Variants in CHD2 observed in about 807,000 individuals in gnomAD.
CHD2 encodes chromodomain helicase DNA binding protein 2.
In CHD2, 28 loss-of-function variants were observed where a neutral mutation model predicts 243.9. The observed-to-expected ratio is 0.11, with a 90% CI of 0.09 to 0.16. CHD2 has a LOEUF of 0.16. CHD2 is among the 10% of genes least tolerant of loss of function. The probability of loss-of-function intolerance (pLI) is 1.00; values close to 1 mark genes in which losing one functional copy is unlikely to be tolerated. For synonymous variants in CHD2, 775 were observed against 779.0 expected (o/e 0.99, Z 0.09); for missense variants, 1,386 against 2,209.8 (o/e 0.63, Z 7.47).
rs753889013 is a variant in CHD2, at chr15:93,014,929, T to C, written c.4906+20T>C. On this transcript the variant is annotated intron_variant, in intron 37 of 38. Transcript: ENST00000394196. ...ATGCAGGTAGGTCATTAAGTGGAGT[T>C]TTTAAAAGAGGTGCCAAAAGATAAA... is the stretch of plus-strand genomic sequence containing the variant. 1.3e-5 allele frequency: 20 copies of C among 1,598,646 alleles called. No individual in the cohort carries two copies. The Admixed American group carries it at 3.4e-4, about 27-fold the overall frequency.
At chr15:92,914,559 A>G (rs1211152925) in intron 2 of CHD2, among the ~76,000 whole-genome samples, 1 of 152,192 alleles carries the variant, frequency 6.6e-6, no homozygotes, top group Non-Finnish European at 1.5e-5. Flanking sequence ...TGAATTTTAG[A>G]AATACACTGA....
intron 17 of CHD2, among the ~76,000 whole-genome samples, chr15:92,971,436 AATG>A (rs1447482993): frequency 6.6e-6 from 1 of 152,054 alleles, no homozygotes; most frequent in Non-Finnish European, 1.5e-5. Flanking sequence ...AAATATGTAA[AATG>A]TATGTATGTA....
At chr15:92,939,299 A>G (rs186885915) in intron 6 of CHD2, among the ~76,000 whole-genome samples, 2 of 152,346 alleles carry the variant, frequency 1.3e-5, no homozygotes, top group Non-Finnish European at 2.9e-5. Flanking sequence ...ATGTGTTTTT[A>G]TATCAGGTAA....
intron 2 of CHD2, among the ~76,000 whole-genome samples, chr15:92,911,241 T>G (rs2052729139): frequency 6.6e-6 from 1 of 152,196 alleles, no homozygotes; most frequent in Non-Finnish European, 1.5e-5. Flanking sequence ...CTCCTAAGAA[T>G]CTAGAACTTG....
chr15:92,967,696 T>A (rs1185540322), intron 17 of CHD2, among the ~76,000 whole-genome samples, 183 bp downstream of exon 17: 1 of 151,916 alleles, frequency 6.6e-6, no homozygotes, highest in Non-Finnish European at 1.5e-5. Context: ...CAGCTAATTT[T>A]TTTTGTATTT....
intron 17 of CHD2, 113 bp downstream of exon 17, chr15:92,967,626 C>A: frequency 1.6e-6 from 1 of 636,788 alleles, no homozygotes; most frequent in Non-Finnish European, 2.3e-6. Context: ...GACAGAGTCT[C>A]GCGATTCTGC....
intron 8 of CHD2, among the ~76,000 whole-genome samples, chr15:92,942,160 A>G (rs2053391821): frequency 2.6e-5 from 4 of 152,210 alleles, no homozygotes; most frequent in Admixed American, 6.5e-5. Flanking sequence ...GCTAGTATAG[A>G]TAAGTGTCAA....
At chr15:92,989,025 C>CTTTTTTTTT (rs34298248) in intron 26 of CHD2, among the ~76,000 whole-genome samples, 4 of 76,514 alleles carry the variant, frequency 5.2e-5, no homozygotes, top group African/African-American at 2.0e-4. Context: ...ATACTTCATA[C>CTTTTTTTTT]TTTTTTTTTT....
chr15:93,019,238 G>A (rs891744941), intron 37 of CHD2, among the ~76,000 whole-genome samples: 1 of 152,174 alleles, frequency 6.6e-6, no homozygotes, highest in Admixed American at 6.5e-5. Context: ...GGCACAGCAG[G>A]TACCAGCAGG....
chr15:92,978,615 A>G lies in CHD2; in HGVS notation c.2727+232A>G, dbSNP rs186903987. On this transcript the variant is annotated intron_variant, in intron 21 of 38. Coordinates refer to ENST00000394196, the MANE Select transcript of CHD2 (RefSeq NM_001271.4). ...AAAAGTACAACATCAGCGACCTTCT[A>G]TGTGTTTATCTTGAGAGAGATATAT... 1.8e-4 allele frequency among the ~76,000 whole-genome samples: 28 copies of G among 152,278 alleles called. No homozygotes were observed. In the East Asian group the frequency reaches 2.3e-3, roughly 13 times the overall value.
intron 34 of CHD2, 40 bp downstream of exon 34, chr15:93,004,791 C>A (rs185121932): frequency 1.3e-6 from 2 of 1,595,116 alleles, no homozygotes; most frequent in Non-Finnish European, 8.6e-7. Flanking sequence ...TCTGCAGCCG[C>A]GGTACTTGCT....
chr15:92,967,132 G>A (rs1024677561), intron 16 of CHD2, among the ~76,000 whole-genome samples, 193 bp from the exon 17 acceptor site: 13 of 152,290 alleles, frequency 8.5e-5, no homozygotes, highest in Non-Finnish European at 1.9e-4. Flanking sequence ...AATTGGAAAC[G>A]TGCTATTATC....
At chr15:92,913,635 T>C (rs937444882) in intron 2 of CHD2, among the ~76,000 whole-genome samples, 1 of 152,166 alleles carries the variant, frequency 6.6e-6, no homozygotes, top group Non-Finnish European at 1.5e-5. Context: ...GTGGGATCCC[T>C]TGAGCTAGGA....
intron 35 of CHD2, among the ~76,000 whole-genome samples, chr15:93,010,410 A>ATT (rs34163529): frequency 5.3e-4 from 76 of 143,068 alleles, no homozygotes; most frequent in South Asian, 1.3e-3. Context: ...ATGACTGGAA[A>ATT]TTTTTTTTTT....
chr15:93,022,610 C>T (rs1219783970), intron 38 of CHD2, among the ~76,000 whole-genome samples: 2 of 152,226 alleles, frequency 1.3e-5, no homozygotes, highest in African/African-American at 4.8e-5. Context: ...CCCACATGCA[C>T]ATCCTAAGCA....
At chr15:92,964,981 A>G (rs1425949106) in intron 16 of CHD2, among the ~76,000 whole-genome samples, 2 of 152,146 alleles carry the variant, frequency 1.3e-5, no homozygotes, top group African/African-American at 2.4e-5. Context: ...CTTTTAGCAT[A>G]CCATTTTCAC....
intron 37 of CHD2, among the ~76,000 whole-genome samples, chr15:93,016,651 G>C (rs1266164767): frequency 6.6e-6 from 1 of 152,022 alleles, no homozygotes; most frequent in East Asian, 1.9e-4. Context: ...GCTAGGCGTA[G>C]TGGCGTAGTA....
chr15:92,969,896 G>T (rs1396528562), intron 17 of CHD2, among the ~76,000 whole-genome samples: 1 of 150,112 alleles, frequency 6.7e-6, no homozygotes, highest in African/African-American at 2.4e-5. Context: ...ACTGCAACAG[G>T]ATTTTCTTTT....
At chr15:92,974,814 G>C in intron 19 of CHD2, 65 bp from the exon 20 acceptor site, 1 of 1,450,594 alleles carries the variant, frequency 6.9e-7, no homozygotes, top group South Asian at 1.1e-5. Context: ...TTCCAAGTCT[G>C]CTGTTCTATT....
Sources: allele counts gnomAD v4.1 joint callset (sites outside exome capture counted in the v4.1 genomes callset), GRCh38; gene constraint gnomAD v4.1.1; transcripts MANE v1.5; gene names NCBI Gene and HGNC (gene_info 2026-07-23, HGNC 2026-07-21).